Variants in EMC1 observed in about 807,000 individuals in gnomAD.
The protein encoded by EMC1 is KIAA0090.
A neutral mutation model predicts 128.8 loss-of-function variants in EMC1; 103 were observed. That is an observed-to-expected ratio of 0.80 (90% CI 0.68 to 0.94). EMC1 has a LOEUF of 0.94. Among genes scored for constraint, EMC1 ranks in the 40% least tolerant of loss-of-function variants. The pLI, the probability that EMC1 is intolerant of heterozygous loss-of-function variation, is 0.00. For synonymous variants in EMC1, 442 were observed against 490.4 expected (o/e 0.90, Z 1.30); for missense variants, 1,083 against 1,250.6 (o/e 0.87, Z 2.02).
chr1:19,219,901 CTG>C (rs1006468808), intron 21 of EMC1: 55 of 573,914 alleles, frequency 9.6e-5, no homozygotes, highest in African/African-American at 9.5e-4. Flanking sequence ...GAGAGTAAGA[CTG>C]AGATCTAGAT....
chr1:19,241,183 C>A, intron 5 of EMC1, 41 bp from the exon 6 acceptor site: 2 of 1,612,364 alleles, frequency 1.2e-6, no homozygotes, highest in South Asian at 2.2e-5. Flanking sequence ...AGCTTTCAAC[C>A]CAGGACAGGA....
chr1:19,240,603 C>T (rs1217484897), intron 6 of EMC1, 157 bp from the exon 7 acceptor site: 6 of 735,942 alleles, frequency 8.2e-6, no homozygotes, highest in African/African-American at 5.3e-5. Flanking sequence ...CCCCTGAAAC[C>T]CCACCCTCCA....
intron 20 of EMC1, chr1:19,221,635 CAAAAAAAAA>C (rs34802728): frequency 3.0e-5 from 2 of 66,262 alleles, no homozygotes; most frequent in Middle Eastern, 0.011. Flanking sequence ...GACTCTGTCT[CAAAAAAAAA>C]AAAAAAAAAG....
intron 16 of EMC1, 61 bp downstream of exon 16, chr1:19,231,200 G>T: frequency 1.3e-6 from 2 of 1,524,564 alleles, no homozygotes; most frequent in South Asian, 2.6e-5. Context: ...CGCTGTGTTT[G>T]ACCACCTGGC....
chr1:19,244,102 A>G, intron 2 of EMC1, 87 bp from the exon 3 acceptor site: 1 of 1,295,184 alleles, frequency 7.7e-7, no homozygotes, highest in Non-Finnish European at 1.1e-6. Context: ...CTTCATTTGC[A>G]CAGCAATGTC....
At position 19,235,679 on chromosome 1, in the gene EMC1, C is replaced by T. The variant is rs1046076188; in HGVS notation, c.1310-427G>A. On this transcript the variant is annotated intron_variant, in intron 12 of 22. Coordinates refer to ENST00000477853, the MANE Select transcript of EMC1 (RefSeq NM_015047.3). Reference sequence around the variant, plus strand: ...TTGTGCCATTGCACTCCAGCCTGGGCGACACAGCGAGACTCCGTCTTGAAA... The same window carrying T: ...TTGTGCCATTGCACTCCAGCCTGGGTGACACAGCGAGACTCCGTCTTGAAA... Among the ~76,000 whole-genome samples the T allele has an allele frequency of 4.0e-5, 6 of 151,498 alleles. No homozygotes were observed. In the East Asian group the frequency reaches 9.7e-4, roughly 24 times the overall value.
intron 2 of EMC1, 94 bp downstream of exon 2, chr1:19,244,812 A>G: frequency 1.4e-6 from 2 of 1,474,908 alleles, no homozygotes; most frequent in Non-Finnish European, 9.4e-7. Context: ...TTTGGCCAAC[A>G]TGTTCCTTAT....
intron 1 of EMC1, among the ~76,000 whole-genome samples, chr1:19,245,732 C>G (rs1339085867): frequency 6.7e-6 from 1 of 149,036 alleles, no homozygotes; most frequent in Non-Finnish European, 1.5e-5. Flanking sequence ...TCAAGCGATT[C>G]TCCTATCTCA....
intron 10 of EMC1, 74 bp from the exon 11 acceptor site, chr1:19,238,213 T>A: frequency 6.4e-7 from 1 of 1,566,932 alleles, no homozygotes; most frequent in Non-Finnish European, 8.7e-7. Context: ...AGTCCAAGGA[T>A]TGGGGGCAAA....
rs1179533636 is a variant in EMC1, at chr1:19,232,589, C to T, written c.1782+35G>A. 3 of 1,612,614 alleles carry T rather than the reference C, an allele frequency of 1.9e-6. No homozygotes were observed. The East Asian group carries it at 6.7e-5, about 36-fold the overall frequency. ...GTTACAAAATAGCAAAAAAGCCACA[C>T]TGAGTCTGGCTCAAGTCAGAGCTGG... On this transcript the variant is annotated intron_variant, in intron 15 of 22. Transcript: ENST00000477853.
chr1:19,251,035 G>A (rs1333997065), intron 1 of EMC1, among the ~76,000 whole-genome samples: 1 of 152,164 alleles, frequency 6.6e-6, no homozygotes, highest in East Asian at 1.9e-4. Context: ...ACACCAATTC[G>A]AGTAGGAATT....
At chr1:19,236,984 A>AG (rs1404818108) in intron 12 of EMC1, among the ~76,000 whole-genome samples, 158 bp downstream of exon 12, 2 of 151,620 alleles carry the variant, frequency 1.3e-5, no homozygotes, top group African/African-American at 2.4e-5. Context: ...AAAAAAAAAA[A>AG]AAAAAAAGCA....
chr1:19,229,200 G>C (rs2093501722), intron 17 of EMC1, among the ~76,000 whole-genome samples: 1 of 151,998 alleles, frequency 6.6e-6, no homozygotes, highest in African/African-American at 2.4e-5. Flanking sequence ...GGGCTACAAG[G>C]GTCTGTTCAC....
chr1:19,222,840 G>T lies in EMC1; in HGVS notation c.2377-6C>A. 6.3e-7 allele frequency: 1 copy of T among 1,595,478 alleles called. No individual in the cohort carries two copies. The highest frequency in any genetic ancestry group is 1.3e-5 in the African/African-American group (1 of 74,654). On this transcript the variant is annotated splice_region_variant and splice_polypyrimidine_tract_variant and intron_variant, in intron 19 of 22. Coordinates refer to ENST00000477853, the MANE Select transcript of EMC1 (RefSeq NM_015047.3). ...TTGGTGTTCCAGTACTGGTACTGCA[G>T]GGATAGGAGGTGGCAGCTCAGGGCT...
Position 19,223,292 on chromosome 1 carries a change from T to C in EMC1, c.2376+104A>G, listed in dbSNP as rs150208608. On this transcript the variant is annotated intron_variant, in intron 19 of 22. Transcript: ENST00000477853. The stretch of plus-strand genomic sequence containing the variant: ...CACGCTTTGCTGCCATCCAGGGAAT[T>C]TGAGATCCTAAGAAAACCAAAGCAG... The C allele has an allele frequency of 2.2e-4, 234 of 1,077,826 alleles. 1 individual carries two copies. In the African/African-American group the frequency reaches 3.2e-3, roughly 15 times the overall value. The allele number at this position is 1,077,826 out of a possible 1,614,324, so 66.8% of individuals were successfully genotyped here. A position where few individuals can be genotyped will look rare whatever the true frequency, so the allele number is the denominator to read the frequency against.
chr1:19,232,590 T>G (rs1382334109), intron 15 of EMC1, 34 bp downstream of exon 15: 2 of 1,612,538 alleles, frequency 1.2e-6, no homozygotes, highest in Non-Finnish European at 1.7e-6. Flanking sequence ...AAAGCCACAC[T>G]GAGTCTGGCT....
chr1:19,236,185 G>A (rs1203420563), intron 12 of EMC1, among the ~76,000 whole-genome samples: 1 of 151,372 alleles, frequency 6.6e-6, no homozygotes, highest in African/African-American at 2.4e-5. Flanking sequence ...AGACCAGCCT[G>A]GGCCAACATG....
intron 13 of EMC1, among the ~76,000 whole-genome samples, chr1:19,233,998 C>T (rs1235600766): frequency 6.6e-6 from 1 of 152,174 alleles, no homozygotes; most frequent in African/African-American, 2.4e-5. Context: ...TTTCCACCCA[C>T]CTCTGCTCAA....
Position 19,241,137 on chromosome 1 carries a change from C to T in EMC1, c.515G>A (p.Ser172Asn). The T allele has an allele frequency of 6.2e-7, 1 of 1,614,068 alleles. No individual in the cohort carries two copies. Among genetic ancestry groups the T allele is most frequent in the Non-Finnish European group, 8.5e-7 (1 of 1,179,974 alleles). Reference protein sequence around the residue: ...KWVEHLPESDSIHYQMVYSYG... With the variant: ...KWVEHLPESDNIHYQMVYSYG... ...AGAATACACCATCTGGTAGTGGATG[C>T]TGTCACTAAGAGAGGGAAGAAGAAA... Residue 172 changes from serine to asparagine, a missense_variant, in exon 6 of 23, where the codon AGC (serine) becomes AAC (asparagine). This residue lies in a region of EMC1 where 544 missense variants were observed against 572.4 expected (regional missense o/e 0.95). Transcript: ENST00000477853.
Sources: gnomAD v4.1 joint callset for allele counts (sites outside exome capture counted in the v4.1 genomes callset) on GRCh38, gnomAD v4.1.1 for gene constraint, gnomAD v4.1.1 regional missense constraint, MANE v1.5 for transcripts, NCBI Gene and HGNC (gene_info 2026-07-23, HGNC 2026-07-21) for gene names.